WWOX: variants seen among roughly 807,000 people sequenced by gnomAD.
The protein encoded by WWOX is WW domain containing oxidoreductase, also known as WW domain-containing oxidoreductase.
In WWOX, 69 loss-of-function variants were observed where a neutral mutation model predicts 46.2. The observed-to-expected ratio is 1.49, with a 90% CI of 1.23 to 1.82. The LOEUF is 1.82. Among genes scored for constraint, WWOX ranks in the 40% most tolerant of loss-of-function variants. WWOX has a pLI of 0.00. For missense variants in WWOX, 919 were observed against 542.6 expected (o/e 1.69, Z -6.89); for synonymous variants, 359 against 202.6 (o/e 1.77, Z -6.56).
chr16:79,137,684 C>T (rs1487939280), intron 8 of WWOX, among the ~76,000 whole-genome samples: 3 of 152,154 alleles, frequency 2.0e-5, no homozygotes, highest in Non-Finnish European at 4.4e-5. Context: ...TCTCCTCCCT[C>T]CTCCGTCTCC....
intron 8 of WWOX, among the ~76,000 whole-genome samples, chr16:78,831,477 C>T (rs537279029): frequency 2.0e-5 from 3 of 152,272 alleles, no homozygotes; most frequent in Admixed American, 6.5e-5. Flanking sequence ...TGAGTTTATC[C>T]TGTGGCTTTG....
intron 8 of WWOX, among the ~76,000 whole-genome samples, chr16:78,740,606 C>T (rs1263000988): frequency 3.9e-5 from 6 of 152,076 alleles, no homozygotes; most frequent in East Asian, 1.9e-4. Context: ...CATGGGGCGC[C>T]GTTTCATTTC....
chr16:78,242,878 T>G (rs2037700729), intron 5 of WWOX, among the ~76,000 whole-genome samples: 2 of 152,004 alleles, frequency 1.3e-5, no homozygotes, highest in South Asian at 4.1e-4. Flanking sequence ...TATGGTGGTG[T>G]GCGCCTGTAA....
chr16:79,172,843 T>A lies in WWOX; in HGVS notation c.1057-38765T>A, dbSNP rs150213242. 2.8e-4 allele frequency among the ~76,000 whole-genome samples: 40 copies of A among 144,940 alleles called. 1 individual carries two copies. In the East Asian group the frequency reaches 8.7e-3, roughly 31 times the overall value. On this transcript the variant is annotated intron_variant, in intron 8 of 8. Transcript: ENST00000566780. ...AAGTTTGAGACCAGTCAGGGCAATA[T>A]AGACTACCTGCAAAAAGAAAAAAAA...
chr16:79,003,163 C>A (rs1355746844), intron 8 of WWOX, among the ~76,000 whole-genome samples: 1 of 152,192 alleles, frequency 6.6e-6, no homozygotes, highest in Non-Finnish European at 1.5e-5. Context: ...TTGTCATTCT[C>A]TAACTTTGAG....
chr16:78,353,048 G>C (rs2081215623), intron 5 of WWOX, among the ~76,000 whole-genome samples: 1 of 152,120 alleles, frequency 6.6e-6, no homozygotes, highest in Admixed American at 6.5e-5. Context: ...GTAAAATAAT[G>C]GCAGTTTGTA....
At chr16:78,681,218 G>A (rs1257161596) in intron 8 of WWOX, among the ~76,000 whole-genome samples, 1 of 152,056 alleles carries the variant, frequency 6.6e-6, no homozygotes, top group South Asian at 2.1e-4. Flanking sequence ...CACAGCCTGG[G>A]CAACAGAGCA....
chr16:78,636,202 A>T (rs190946293), intron 8 of WWOX, among the ~76,000 whole-genome samples: 2 of 152,170 alleles, frequency 1.3e-5, no homozygotes, highest in Non-Finnish European at 1.5e-5. Context: ...GACTAGACAT[A>T]TTAGAGACCA....
intron 8 of WWOX, among the ~76,000 whole-genome samples, chr16:78,728,570 G>A (rs1482207431): frequency 6.6e-6 from 1 of 152,152 alleles, no homozygotes. Context: ...AAGAATACAA[G>A]TAAGTAGTCA....
intron 8 of WWOX, among the ~76,000 whole-genome samples, chr16:78,602,011 G>T (rs969670768): frequency 6.6e-6 from 1 of 152,140 alleles, no homozygotes; most frequent in Non-Finnish European, 1.5e-5. Context: ...CAATGGTTTC[G>T]TATTAGGGAT....
intron 8 of WWOX, among the ~76,000 whole-genome samples, chr16:78,624,424 T>A (rs2046262941): frequency 6.6e-6 from 1 of 152,190 alleles, no homozygotes; most frequent in Admixed American, 6.5e-5. Flanking sequence ...TAGAGTGCAT[T>A]AACTTCTTTA....
At chr16:78,917,743 A>T (rs1324304220) in intron 8 of WWOX, among the ~76,000 whole-genome samples, 1 of 152,100 alleles carries the variant, frequency 6.6e-6, no homozygotes, top group Non-Finnish European at 1.5e-5. Context: ...CCAGAACCAA[A>T]CACCATATGT....
At chr16:78,541,018 G>C (rs2941943) in intron 8 of WWOX, among the ~76,000 whole-genome samples, 1 of 152,122 alleles carries the variant, frequency 6.6e-6, no homozygotes, top group African/African-American at 2.4e-5. Flanking sequence ...TGTCAGCTGA[G>C]TTGGGGAGGT....
intron 8 of WWOX, among the ~76,000 whole-genome samples, chr16:79,116,143 T>G (rs1224970482): frequency 6.6e-6 from 1 of 152,236 alleles, no homozygotes; most frequent in African/African-American, 2.4e-5. Flanking sequence ...CAGCAAGTTG[T>G]CATCTTTTTG....
At chr16:78,935,141 T>A (rs1249796557) in intron 8 of WWOX, among the ~76,000 whole-genome samples, 1 of 152,136 alleles carries the variant, frequency 6.6e-6, no homozygotes, top group Non-Finnish European at 1.5e-5. Context: ...TAGGAACACT[T>A]TTACACTGTT....
chr16:78,502,233 C>G (rs1303456523), intron 8 of WWOX, among the ~76,000 whole-genome samples: 1 of 152,122 alleles, frequency 6.6e-6, no homozygotes, highest in African/African-American at 2.4e-5. Context: ...TTAAGGTGTA[C>G]AATTCAATGG....
chr16:78,412,128 A>G lies in WWOX; in HGVS notation c.606-12742A>G, dbSNP rs76517635. ...GTGGAGAAGTAGGGGATGGCACGGTATTTTAGGGGTTCCTAATGAGCCTAG... is the reference window on the plus strand; with the variant it reads ...GTGGAGAAGTAGGGGATGGCACGGTGTTTTAGGGGTTCCTAATGAGCCTAG... On this transcript the variant is annotated intron_variant, in intron 6 of 8. Coordinates refer to ENST00000566780, the MANE Select transcript of WWOX (RefSeq NM_016373.4). Among the ~76,000 whole-genome samples, 397 of 152,254 alleles carry G rather than the reference A, an allele frequency of 2.6e-3. 13 individuals are homozygous for G. In the East Asian group the frequency reaches 0.069, roughly 27 times the overall value.
intron 4 of WWOX, among the ~76,000 whole-genome samples, 193 bp from the exon 5 acceptor site, chr16:78,163,990 G>A (rs1397234221): frequency 6.6e-6 from 1 of 152,098 alleles, no homozygotes; most frequent in African/African-American, 2.4e-5. Context: ...CCCACTAGAT[G>A]CCAGTAGGAC....
At chr16:78,359,345 G>C (rs2081362080) in intron 5 of WWOX, among the ~76,000 whole-genome samples, 2 of 152,092 alleles carry the variant, frequency 1.3e-5, no homozygotes, top group African/African-American at 4.8e-5. Flanking sequence ...AAGCTCTCAG[G>C]CTAATTAGTA....
Sources: allele counts gnomAD v4.1 joint callset (sites outside exome capture counted in the v4.1 genomes callset), GRCh38; gene constraint gnomAD v4.1.1; transcripts MANE v1.5; gene names NCBI Gene and HGNC (gene_info 2026-07-23, HGNC 2026-07-21).